SND1: variants seen among roughly 807,000 people sequenced by gnomAD.
The protein encoded by SND1 is staphylococcal nuclease and tudor domain containing 1, also known as staphylococcal nuclease domain-containing protein 1.
A neutral mutation model predicts 121.7 loss-of-function variants in SND1; 38 were observed. The ratio of observed to expected loss-of-function variants is 0.31; its 90% confidence interval spans 0.24 to 0.41. The LOEUF is 0.41. Ranked by LOEUF, SND1 falls within the 10% of genes least tolerant of loss-of-function variation. The pLI is 1.00. For missense variants in SND1, 868 were observed against 1,184.6 expected (o/e 0.73, Z 3.92); for synonymous variants, 401 against 447.4 (o/e 0.90, Z 1.31).
At chr7:128,038,275 G>T (rs569657024) in intron 16 of SND1, among the ~76,000 whole-genome samples, 1 of 152,320 alleles carries the variant, frequency 6.6e-6, no homozygotes, top group South Asian at 2.1e-4. Flanking sequence ...TGTGTATGTG[G>T]ATGCTAGTGG....
chr7:128,028,618 C>A, intron 16 of SND1: 1 of 1,494,862 alleles, frequency 6.7e-7, no homozygotes, highest in Non-Finnish European at 9.1e-7. Flanking sequence ...CCACTCTGTA[C>A]AAAAGTTGCT....
At chr7:127,829,580 A>T (rs1380356374) in intron 11 of SND1, among the ~76,000 whole-genome samples, 1 of 152,176 alleles carries the variant, frequency 6.6e-6, no homozygotes, top group Non-Finnish European at 1.5e-5. Context: ...TCTTATTATT[A>T]AAAATATTAT....
chr7:128,015,486 C>T lies in SND1; in HGVS notation c.1779+24430C>T, dbSNP rs753996074. On this transcript the variant is annotated intron_variant, in intron 16 of 23. Transcript: ENST00000354725. The surrounding 1 kb of genome is among the most constrained non-coding windows in gnomAD (Gnocchi z 4.5). The stretch of plus-strand genomic sequence containing the variant: ...TCAAAAAAGCACATGTCAGAAATCA[C>T]CTTTCTTCCTTTTCCTACCCTTACC... Among the ~76,000 whole-genome samples, 20 of 152,146 alleles carry T rather than the reference C, an allele frequency of 1.3e-4. No homozygotes were observed. Among genetic ancestry groups the T allele is most frequent in the Non-Finnish European group, 2.8e-4 (19 of 68,034 alleles).
intron 15 of SND1, among the ~76,000 whole-genome samples, chr7:127,971,332 C>T (rs925194796): frequency 6.6e-6 from 1 of 152,148 alleles, no homozygotes; most frequent in Admixed American, 6.5e-5. Flanking sequence ...GAAAAAGCAT[C>T]GTTATTCAGA....
At chr7:127,910,626 A>C (rs1032286645) in intron 14 of SND1, among the ~76,000 whole-genome samples, 2 of 151,994 alleles carry the variant, frequency 1.3e-5, no homozygotes, top group Admixed American at 1.3e-4. Flanking sequence ...TATGATTCTA[A>C]TGTTCCTTTC....
chr7:127,846,140 G>A (rs186532115), intron 12 of SND1, among the ~76,000 whole-genome samples: 207 of 152,310 alleles, frequency 1.4e-3, no homozygotes, highest in African/African-American at 4.3e-3. Flanking sequence ...ACACAGGTTG[G>A]TTGGTCTTAA....
At chr7:127,677,331 G>A (rs1188756980) in intron 1 of SND1, among the ~76,000 whole-genome samples, 1 of 152,092 alleles carries the variant, frequency 6.6e-6, no homozygotes, top group African/African-American at 2.4e-5. Context: ...GAGGCTAATG[G>A]AGCCAATTAA....
intron 12 of SND1, among the ~76,000 whole-genome samples, chr7:127,849,469 A>G (rs1022023871): frequency 6.6e-6 from 1 of 152,206 alleles, no homozygotes; most frequent in Non-Finnish European, 1.5e-5. Context: ...GACATCTACA[A>G]AATATAACTA....
intron 15 of SND1, among the ~76,000 whole-genome samples, chr7:127,986,824 TG>T (rs1000733270): frequency 2.6e-5 from 4 of 152,216 alleles, no homozygotes; most frequent in Non-Finnish European, 4.4e-5. Flanking sequence ...AGTCCCCCCA[TG>T]GGGGATCTGT....
intron 10 of SND1, among the ~76,000 whole-genome samples, chr7:127,766,771 C>CAA (rs59243807): frequency 0.022 from 723 of 33,188 alleles, 94 homozygotes; most frequent in South Asian, 0.058. Context: ...GACTTTGTCT[C>CAA]AAAAAAAAAA....
At chr7:127,738,006 G>A (rs574124193) in intron 10 of SND1, among the ~76,000 whole-genome samples, 1 of 152,312 alleles carries the variant, frequency 6.6e-6, no homozygotes, top group South Asian at 2.1e-4. Flanking sequence ...TGCCTGGAAA[G>A]CATAGAGAAT....
chr7:127,865,599 C>A (rs184396796), intron 12 of SND1, among the ~76,000 whole-genome samples: 1 of 150,882 alleles, frequency 6.6e-6, no homozygotes, highest in African/African-American at 2.4e-5. Context: ...TTTTTTTTTT[C>A]TCCTTTGTGG....
intron 15 of SND1, among the ~76,000 whole-genome samples, chr7:127,960,092 G>T (rs552694265): frequency 6.6e-6 from 1 of 152,262 alleles, no homozygotes; most frequent in African/African-American, 2.4e-5. Flanking sequence ...GGAACTTACC[G>T]GGTGGCAAGA....
intron 16 of SND1, among the ~76,000 whole-genome samples, chr7:128,051,333 A>G (rs1267510762): frequency 2.4e-5 from 3 of 127,630 alleles, no homozygotes; most frequent in African/African-American, 1.1e-4. Context: ...TGTAAGTATG[A>G]GAGAGAGAGA....
Position 127,994,549 on chromosome 7 carries a change from CAAAAAAAAAAAAAAAAAAAAA to C in SND1, c.1779+3509_1779+3529del, listed in dbSNP as rs563548702. ...CTCTCAAATGACGATCACTTTTACT[CAAAAAAAAAAAAAAAAAAAAA>C]AAAAAAAAAAAAAAACAGTAAATTC... On this transcript the variant is annotated intron_variant, in intron 16 of 23. Coordinates refer to ENST00000354725, the MANE Select transcript of SND1 (RefSeq NM_014390.4). Among the ~76,000 whole-genome samples the C allele has an allele frequency of 1.4e-3, 63 of 46,240 alleles. No homozygotes were observed. The East Asian group carries it at 0.022, about 16-fold the overall frequency. 30.3% of individuals were successfully genotyped at this position (46,240 alleles called of 152,430 possible).
intron 1 of SND1, among the ~76,000 whole-genome samples, chr7:127,668,602 C>G (rs1386362616): frequency 1.3e-5 from 2 of 152,210 alleles, no homozygotes; most frequent in African/African-American, 2.4e-5. Context: ...GTGGTGGACT[C>G]AGGAGATGAC....
rs772460220 is a variant in SND1, at chr7:127,652,417, C to G, written c.44C>G (p.Ala15Gly). The change falls in exon 1 of 24, where the codon GCG (alanine) becomes GGG (glycine). Residue 15 changes from alanine to glycine, a missense_variant. Ala to Gly is a moderately conservative substitution (Grantham distance 60). This residue lies in a region of SND1 where 125 missense variants were observed against 113.3 expected (regional missense o/e 1.10). Transcript: ENST00000354725. ...AQSGGSSGGPAVPTVQRGIIK... is the reference protein window; with the variant it reads ...AQSGGSSGGPGVPTVQRGIIK... ...AGCGGCGGCTCCTCCGGGGGACCCG[C>G]GGTCCCCACCGTGCAGCGGGGCATC... 3 of 1,568,780 alleles carry G rather than the reference C, an allele frequency of 1.9e-6. No individual in the cohort carries two copies. In the Admixed American group the frequency reaches 5.4e-5, roughly 28 times the overall value.
At chr7:128,007,619 G>A (rs761932119) in intron 16 of SND1, among the ~76,000 whole-genome samples, 12 of 152,200 alleles carry the variant, frequency 7.9e-5, no homozygotes, top group Non-Finnish European at 1.2e-4. Context: ...GGCAAAGATG[G>A]AAGAAGGCAA....
At chr7:127,850,664 C>G (rs920604067) in intron 12 of SND1, among the ~76,000 whole-genome samples, 2 of 152,278 alleles carry the variant, frequency 1.3e-5, no homozygotes, top group South Asian at 4.1e-4. Flanking sequence ...AAACCACTAA[C>G]CAACTCAACC....
Sources: gnomAD v4.1 joint callset for allele counts (sites outside exome capture counted in the v4.1 genomes callset) on GRCh38, gnomAD v4.1.1 for gene constraint, gnomAD v4.1.1 regional missense constraint, Gnocchi (gnomAD v3.1) non-coding constraint, MANE v1.5 for transcripts, NCBI Gene and HGNC (gene_info 2026-07-23, HGNC 2026-07-21) for gene names.